LYST: variants seen among roughly 807,000 people sequenced by gnomAD.
LYST encodes the protein lysosomal-trafficking regulator.
Under a neutral mutation model 413.6 loss-of-function variants are expected in LYST, and 192 were observed. The ratio of observed to expected loss-of-function variants is 0.46; its 90% CI spans 0.41 to 0.52. LYST has a LOEUF of 0.52. Among genes scored for constraint, LYST ranks in the 20% least tolerant of loss-of-function variants. LYST has a pLI of 0.00. For missense variants in LYST, 3,815 were observed against 4,499.9 expected, an observed-to-expected ratio of 0.85 and a Z score of 4.35; for synonymous variants, 1,525 against 1,567.3, an observed-to-expected ratio of 0.97 and a Z score of 0.64.
At chr1:235,846,424 G>A (rs2103074377) in intron 1 of LYST, among the ~76,000 whole-genome samples, 1 of 152,102 alleles carries the variant, frequency 6.6e-6, no homozygotes, top group South Asian at 2.1e-4. Flanking sequence ...AAATGAGAAG[G>A]AACCAGAAAA....
intron 46 of LYST, among the ~76,000 whole-genome samples, chr1:235,694,232 C>G (rs1436257232): frequency 6.6e-6 from 1 of 151,850 alleles, no homozygotes; most frequent in Non-Finnish European, 1.5e-5. Flanking sequence ...CCAGGCTGGT[C>G]TCGAACTCCT....
chr1:235,752,115 G>T lies in LYST; in HGVS notation c.7517C>A (p.Ala2506Glu). Reference protein sequence around the residue: ...LACDIQQLFIAVTIHACSSSG... With the variant: ...LACDIQQLFIEVTIHACSSSG... ...GGAACTGCAAGCATGAATTGTAACT[G>T]CTATGAAAAGTTGCTGTATATCACA... Residue 2506 changes from alanine (A) to glutamate (E), a missense_variant, in exon 27 of 53, where the codon GCA becomes GAA. Ala to Glu is a moderately radical substitution (Grantham distance 107, BLOSUM62 -1). Around this residue, in one of 4 missense-constraint regions of LYST, gnomAD observed 771 missense variants for 837.1 expected, o/e 0.92. Coordinates refer to ENST00000389793, the MANE Select transcript of LYST (RefSeq NM_000081.4). 3 of 1,611,094 alleles carry T rather than the reference G, an allele frequency of 1.9e-6. No homozygotes were observed. In the South Asian group the frequency reaches 3.3e-5, roughly 18 times the overall value.
At chr1:235,679,332 G>A (rs1659628904) in intron 48 of LYST, among the ~76,000 whole-genome samples, 2 of 152,086 alleles carry the variant, frequency 1.3e-5, no homozygotes, top group African/African-American at 4.8e-5. Flanking sequence ...TTTGAGGTAT[G>A]TAGGACCAAG....
chr1:235,870,455 G>T (rs529861898), upstream of LYST, among the ~76,000 whole-genome samples: 155 of 152,240 alleles, frequency 1.0e-3, 1 homozygote, highest in African/African-American at 3.6e-3. Context: ...CTTTCCTTTT[G>T]CTGTCCATAA....
At chr1:235,851,139 C>T (rs978777284) in intron 1 of LYST, among the ~76,000 whole-genome samples, 1 of 151,646 alleles carries the variant, frequency 6.6e-6, no homozygotes, top group Non-Finnish European at 1.5e-5. Flanking sequence ...CATCAATCAA[C>T]AAGTGAATAA....
At chr1:235,714,828 T>C (rs1299389898) in intron 42 of LYST, among the ~76,000 whole-genome samples, 1 of 152,232 alleles carries the variant, frequency 6.6e-6, no homozygotes, top group Non-Finnish European at 1.5e-5. Context: ...TGCAATAATG[T>C]ACATAGGCTC....
rs1680331475 is a variant in LYST at position 235,865,007 on chromosome 1, TA to T, written c.-98+1835del. The stretch of plus-strand genomic sequence containing the variant: ...CACTGAGAGTAGAAACTCAAGTCCT[TA>T]AAAGGGCCTACAAGGCCTTATACAG... On this transcript the variant is annotated intron_variant, in intron 1 of 52. Coordinates refer to ENST00000389793, the MANE Select transcript of LYST (RefSeq NM_000081.4). 2.0e-5 allele frequency among the ~76,000 whole-genome samples: 3 copies of T among 152,272 alleles called. No homozygotes were observed. The South Asian group carries it at 6.2e-4, about 32-fold the overall frequency.
chr1:235,772,617 G>A (rs1013059377), intron 19 of LYST, among the ~76,000 whole-genome samples: 1 of 152,102 alleles, frequency 6.6e-6, no homozygotes, highest in Admixed American at 6.5e-5. Flanking sequence ...GAGATGTAGT[G>A]CCTACATCTA....
At chr1:235,679,999 C>T (rs1659683575) in intron 48 of LYST, among the ~76,000 whole-genome samples, 1 of 140,532 alleles carries the variant, frequency 7.1e-6, no homozygotes, top group Non-Finnish European at 1.6e-5. Flanking sequence ...CTCTCTCTCT[C>T]TCTATAAATA....
rs531169281 is a variant in LYST, at chr1:235,738,284, G to A, written c.8358+3138C>T. On this transcript the variant is annotated intron_variant, in intron 31 of 52. Transcript: ENST00000389793. ...TAAACTCCAAGCTGGTCACTATCAC[G>A]GCTGAGGCACATCGCAAGAGGGAGA... 56 of 1,611,592 alleles carry A rather than the reference G, an allele frequency of 3.5e-5. 1 individual carries two copies. In the East Asian group the frequency reaches 7.6e-4, roughly 22 times the overall value.
Position 235,744,080 on chromosome 1 carries a change from C to T in LYST, c.8050G>A (p.Glu2684Lys), listed in dbSNP as rs185605358. Residue 2684 changes from glutamate (E) to lysine (K), a missense_variant, in exon 30 of 53, where the codon GAA becomes AAA. By Grantham distance (56) the Glu-to-Lys change is moderately conservative. Around this residue, in one of 4 missense-constraint regions of LYST, gnomAD observed 771 missense variants for 837.1 expected, o/e 0.92. Coordinates refer to ENST00000389793, the MANE Select transcript of LYST (RefSeq NM_000081.4). ...TGATGAATATTTTCCTCAGAAATTT[C>T]GGTCTGGAAAACTGAGGTCTTGCTT... ...TQSKTSVFQTEISEENIHHEQ... is the reference protein window; with the variant it reads ...TQSKTSVFQTKISEENIHHEQ... The T allele has an allele frequency of 1.3e-4, 209 of 1,598,592 alleles. No homozygotes were observed. In the South Asian group the frequency reaches 2.0e-3, roughly 15 times the overall value.
In LYST at chr1:235,734,504, G is replaced by A. The variant is rs376817988; in HGVS notation, c.8514C>T (p.Asp2838=). 19 of 1,613,266 alleles carry A rather than the reference G, an allele frequency of 1.2e-5. No homozygotes were observed. Among genetic ancestry groups the A allele is most frequent in the Non-Finnish European group, 1.5e-5 (18 of 1,179,502 alleles). Residue 2838 remains aspartate, a synonymous_variant, in exon 32 of 53, where the codon GAC becomes GAT. Transcript: ENST00000389793. ...TCACCTCTTTGATCATTTTAATAAG[G>A]TCTGCTTTTGTTGATGCACTGGGAG... ...CIPPSASTKA[D]LIKMIKEEQK...
chr1:235,857,090 T>G (rs1477441177), intron 1 of LYST, among the ~76,000 whole-genome samples: 3 of 151,902 alleles, frequency 2.0e-5, no homozygotes, highest in African/African-American at 7.3e-5. Context: ...GGATTACAGG[T>G]GTGCGTCACC....
intron 16 of LYST, among the ~76,000 whole-genome samples, chr1:235,778,969 C>T (rs1234596003): frequency 6.6e-6 from 1 of 151,482 alleles, no homozygotes; most frequent in East Asian, 1.9e-4. Context: ...TAGGTTCAAG[C>T]GATTCTCCTG....
At chr1:235,755,998 AATCTATATCTATATCTATATCTAT>A (rs59482097) in intron 24 of LYST, among the ~76,000 whole-genome samples, 3,797 of 142,834 alleles carry the variant, frequency 0.027, 58 homozygotes, top group Middle Eastern at 0.034. Context: ...TCTCTCTGCA[AATCTATATCTATATCTATATCTAT>A]ATCTATATCT....
At position 235,757,273 on chromosome 1, in the gene LYST, G is replaced by T. The variant is rs889156794; in HGVS notation, c.7059+8C>A. ...AATTAAAATAACATATCTAGTATTT[G>T]CCCTTACTTTAATAACACCTTGTTG... On this transcript the variant is annotated splice_region_variant and intron_variant, in intron 24 of 52. Coordinates refer to ENST00000389793, the MANE Select transcript of LYST (RefSeq NM_000081.4). 1.4e-5 allele frequency: 22 copies of T among 1,597,314 alleles called. No homozygotes were observed. Among genetic ancestry groups the T allele is most frequent in the Non-Finnish European group, 1.8e-5 (21 of 1,166,030 alleles).
chr1:235,872,855 G>T (rs1003044228), intron 1 of LYST, among the ~76,000 whole-genome samples: 1 of 152,166 alleles, frequency 6.6e-6, no homozygotes, highest in Non-Finnish European at 1.5e-5. Context: ...GGTGGAGGTT[G>T]CAGTAAGCCG....
intron 1 of LYST, among the ~76,000 whole-genome samples, chr1:235,837,349 C>A (rs771416000): frequency 6.6e-6 from 1 of 152,056 alleles, no homozygotes; most frequent in Non-Finnish European, 1.5e-5. Flanking sequence ...AGAAAGCTGG[C>A]GGGTGCAGTG....
chr1:235,723,913 G>T, intron 39 of LYST, 115 bp downstream of exon 39: 1 of 935,346 alleles, frequency 1.1e-6, no homozygotes, highest in Non-Finnish European at 1.7e-6. Context: ...TCAGGACTAA[G>T]AAACATGGCA....
Sources: gnomAD v4.1 joint callset for allele counts (sites outside exome capture counted in the v4.1 genomes callset) on GRCh38, gnomAD v4.1.1 for gene constraint, gnomAD v4.1.1 regional missense constraint, MANE v1.5 for transcripts, NCBI Gene and HGNC (gene_info 2026-07-23, HGNC 2026-07-21) for gene names.